The following HGF variants were observed in gnomAD, a reference collection of about 807,000 sequenced individuals.
HGF encodes the protein hepatocyte growth factor.
Under a neutral mutation model 111.6 loss-of-function variants are expected in HGF, and 39 were observed. That is an observed-to-expected ratio of 0.35 (90% confidence interval 0.27 to 0.46). The LOEUF (loss-of-function observed/expected upper bound fraction) is 0.46, where lower values mean the gene tolerates loss of function less well. Among genes scored for constraint, HGF ranks in the 20% least tolerant of loss-of-function variants. The probability of loss-of-function intolerance (pLI) is 1.00; values close to 1 mark genes in which losing one functional copy is unlikely to be tolerated. For synonymous variants in HGF, 285 were observed against 294.8 expected, an observed-to-expected ratio of 0.97 and a Z score of 0.34; for missense variants, 735 against 910.5, an observed-to-expected ratio of 0.81 and a Z score of 2.48.
At chr7:81,769,390 T>C (rs1452839927) in intron 1 of HGF, among the ~76,000 whole-genome samples, 1 of 152,200 alleles carries the variant, frequency 6.6e-6, no homozygotes, top group Non-Finnish European at 1.5e-5. Context: ...TTATTCTGCC[T>C]CCTCAAAATG....
chr7:81,727,055 T>TG (rs1016874863), intron 8 of HGF, among the ~76,000 whole-genome samples: 2 of 151,448 alleles, frequency 1.3e-5, no homozygotes, highest in Non-Finnish European at 2.9e-5. Context: ...TTTTGTTTTT[T>TG]TTTTAAACAG....
intron 9 of HGF, among the ~76,000 whole-genome samples, chr7:81,721,712 T>C (rs1789869179): frequency 6.6e-6 from 1 of 152,228 alleles, no homozygotes; most frequent in Admixed American, 6.5e-5. Flanking sequence ...CTTTGTCCTT[T>C]TTAGAGCATA....
chr7:81,744,002 T>C (rs948238809), intron 6 of HGF, among the ~76,000 whole-genome samples: 2 of 152,184 alleles, frequency 1.3e-5, no homozygotes, highest in African/African-American at 4.8e-5. Context: ...GAGTCCTGAA[T>C]TGGTGACTTG....
Position 81,744,983 on chromosome 7 carries a change from A to T in HGF, c.746+17T>A, listed in dbSNP as rs1180243895. ...TTGTAAAAGAATCACTGAAAGCATGATTCATTAATATTTTACCTTTCAGGC... is the reference window on the plus strand; with the variant it reads ...TTGTAAAAGAATCACTGAAAGCATGTTTCATTAATATTTTACCTTTCAGGC... On this transcript the variant is annotated intron_variant, in intron 6 of 17. Transcript: ENST00000222390. 6.2e-7 allele frequency: 1 copy of T among 1,613,190 alleles called. No homozygotes were observed. The highest frequency in any genetic ancestry group is 1.3e-5 in the African/African-American group (1 of 74,916).
chr7:81,720,796 C>A lies in HGF; in HGVS notation c.1220G>T (p.Arg407Ile). The change falls in exon 10 of 18, where the codon AGA (arginine) becomes ATA (isoleucine). Residue 407 changes from arginine to isoleucine, a missense_variant. Around this residue, in one of 3 missense-constraint regions of HGF, gnomAD observed 553 missense variants for 685.6 expected, o/e 0.81. Transcript: ENST00000222390. ...CCACATTGAACATGTTAGTCCAGAT[C>A]TTGTTTGGGATAAGTTGCCCATATA... is the stretch of plus-strand genomic sequence containing the variant. ...KNYMGNLSQT[R>I]SGLTCSMWDK... The A allele has an allele frequency of 6.2e-7, 1 of 1,613,428 alleles. No homozygotes were observed. The highest frequency in any genetic ancestry group is 8.5e-7 in the Non-Finnish European group (1 of 1,179,396).
Position 81,743,343 on chromosome 7 carries a change from C to T in HGF, c.865+10G>A, listed in dbSNP as rs2116020668. On this transcript the variant is annotated intron_variant, in intron 7 of 17. Coordinates refer to ENST00000222390, the MANE Select transcript of HGF (RefSeq NM_000601.6). ...AGGAAAAGGAAGCAATAAATTTGAC[C>T]TTCACTTACCGCATGTTTTAATTGC... 6.6e-7 allele frequency: 1 copy of T among 1,509,698 alleles called. No homozygotes were observed. The highest frequency in any genetic ancestry group is 9.2e-7 in the Non-Finnish European group (1 of 1,084,440). 93.5% of individuals were successfully genotyped at this position (1,509,698 alleles called of 1,614,324 possible).
At chr7:81,742,912 A>G (rs1486452032) in intron 7 of HGF, 1 of 1,613,128 alleles carries the variant, frequency 6.2e-7, no homozygotes. Flanking sequence ...CACTCACCAG[A>G]AGAAGTTCAC....
At chr7:81,742,516 A>T (rs1411789137) in intron 7 of HGF, among the ~76,000 whole-genome samples, 1 of 152,182 alleles carries the variant, frequency 6.6e-6, no homozygotes, top group African/African-American at 2.4e-5. Flanking sequence ...ATACCTTACT[A>T]AATTTATGCA....
chr7:81,735,821 G>A (rs1787807663), intron 7 of HGF, among the ~76,000 whole-genome samples: 1 of 152,052 alleles, frequency 6.6e-6, no homozygotes. Flanking sequence ...TGGGTCCTTG[G>A]TGAGGGCTCT....
At chr7:81,742,641 A>C in intron 7 of HGF, 21 of 1,083,536 alleles carry the variant, frequency 1.9e-5, no homozygotes, top group Non-Finnish European at 2.3e-5. Flanking sequence ...TGTGTGACTT[A>C]ACCATAGAGG....
At chr7:81,741,479 A>G (rs1787998507) in intron 7 of HGF, among the ~76,000 whole-genome samples, 1 of 151,908 alleles carries the variant, frequency 6.6e-6, no homozygotes, top group African/African-American at 2.4e-5. Context: ...AAAATACCCT[A>G]AAGATTGGTT....
intron 9 of HGF, among the ~76,000 whole-genome samples, chr7:81,722,658 TA>T (rs539294548): frequency 2.3e-4 from 35 of 149,914 alleles, no homozygotes; most frequent in African/African-American, 8.6e-4. Flanking sequence ...ACCAAAAATA[TA>T]AAAAATTAGC....
chr7:81,713,066 G>A (rs1789613312), intron 11 of HGF, among the ~76,000 whole-genome samples: 1 of 152,124 alleles, frequency 6.6e-6, no homozygotes, highest in Admixed American at 6.5e-5. Flanking sequence ...TCAAATACTT[G>A]AAAATGTTAA....
At chr7:81,745,327 T>A (rs148857462) in intron 5 of HGF, among the ~76,000 whole-genome samples, 111 of 152,238 alleles carry the variant, frequency 7.3e-4, no homozygotes, top group African/African-American at 2.3e-3. Context: ...AAGTGGGATT[T>A]TTGTACTTAG....
rs1167717493 is a variant in HGF at position 81,770,009 on chromosome 7, G to T, written c.-38C>A. 3 of 1,457,008 alleles carry T rather than the reference G, an allele frequency of 2.1e-6. No individual in the cohort carries two copies. The highest frequency in any genetic ancestry group is 2.8e-6 in the Non-Finnish European group (3 of 1,063,568). 90.3% of individuals were successfully genotyped at this position (1,457,008 alleles called of 1,614,324 possible). The stretch of plus-strand genomic sequence containing the variant: ...CGGGCTGGCGGATCCCTCTGGAGGA[G>T]ATGCCTGGGTGAAAGAATCCTGTTC... On this transcript the variant is annotated 5_prime_UTR_variant, in exon 1 of 18. Coordinates refer to ENST00000222390, the MANE Select transcript of HGF (RefSeq NM_000601.6).
chr7:81,769,070 C>T (rs1789504833), intron 1 of HGF, among the ~76,000 whole-genome samples: 1 of 152,136 alleles, frequency 6.6e-6, no homozygotes, highest in Admixed American at 6.5e-5. Flanking sequence ...TGCCTTCTCC[C>T]GTTGGCACCT....
At chr7:81,760,226 T>C (rs539074814) in intron 2 of HGF, among the ~76,000 whole-genome samples, 1 of 152,318 alleles carries the variant, frequency 6.6e-6, no homozygotes, top group East Asian at 1.9e-4. Flanking sequence ...ATTTCCTATT[T>C]GTTGATGGCA....
chr7:81,745,851 A>G (rs1788221566), intron 5 of HGF, among the ~76,000 whole-genome samples: 1 of 152,174 alleles, frequency 6.6e-6, no homozygotes, highest in South Asian at 2.1e-4. Flanking sequence ...AGGTTAATTC[A>G]TTGTTCTCTT....
chr7:81,760,255 C>T (rs1789001069), intron 2 of HGF, among the ~76,000 whole-genome samples: 1 of 152,082 alleles, frequency 6.6e-6, no homozygotes, highest in Admixed American at 6.6e-5. Context: ...ATTCTAGTAC[C>T]AGTTGCCAGC....
Sources: allele counts gnomAD v4.1 joint callset (sites outside exome capture counted in the v4.1 genomes callset), GRCh38; gene constraint gnomAD v4.1.1; regional missense constraint gnomAD v4.1.1; transcripts MANE v1.5; gene names NCBI Gene and HGNC (gene_info 2026-07-23, HGNC 2026-07-21).